PTPRD: variants seen among roughly 807,000 people sequenced by gnomAD.
PTPRD encodes protein tyrosine phosphatase receptor type D, also known as receptor-type tyrosine-protein phosphatase delta.
A neutral mutation model predicts 214.5 loss-of-function variants in PTPRD; 34 were observed. The observed-to-expected ratio is 0.16, with a 90% CI of 0.12 to 0.21. The LOEUF (loss-of-function observed/expected upper bound fraction) is 0.21. PTPRD is among the 10% of genes least tolerant of loss of function. PTPRD has a pLI of 1.00. For synonymous variants in PTPRD, 1,128 were observed against 845.7 expected, an observed-to-expected ratio of 1.33 and a Z score of -5.79; for missense variants, 2,545 against 2,398.7, an observed-to-expected ratio of 1.06 and a Z score of -1.27.
chr9:8,672,168 G>C (rs1221959874), intron 12 of PTPRD, among the ~76,000 whole-genome samples: 1 of 152,088 alleles, frequency 6.6e-6, no homozygotes, highest in Non-Finnish European at 1.5e-5. Flanking sequence ...TAAAACCTTT[G>C]ATGTAACCTT....
At chr9:9,902,553 T>A (rs541746772) in intron 5 of PTPRD, among the ~76,000 whole-genome samples, 130 of 152,278 alleles carry the variant, frequency 8.5e-4, no homozygotes, top group African/African-American at 3.0e-3. Flanking sequence ...ACCTCAATTT[T>A]ATATTTAAAT....
intron 7 of PTPRD, among the ~76,000 whole-genome samples, chr9:9,732,261 C>T (rs2098210372): frequency 2.0e-5 from 3 of 151,952 alleles, no homozygotes; most frequent in African/African-American, 7.3e-5. Flanking sequence ...TTTTGGATAA[C>T]TGTGGCAATA....
chr9:8,641,945 C>T (rs1276255013), intron 12 of PTPRD, among the ~76,000 whole-genome samples: 1 of 152,144 alleles, frequency 6.6e-6, no homozygotes, highest in African/African-American at 2.4e-5. Flanking sequence ...GTGAGAGAAC[C>T]AACCAAGACC....
At chr9:9,852,007 A>T (rs1039539697) in intron 5 of PTPRD, among the ~76,000 whole-genome samples, 1 of 152,180 alleles carries the variant, frequency 6.6e-6, no homozygotes, top group African/African-American at 2.4e-5. Context: ...TTAACATGGA[A>T]ATTTCTCTTC....
At chr9:8,516,322 G>C (rs2097780222) in intron 21 of PTPRD, among the ~76,000 whole-genome samples, 1 of 152,118 alleles carries the variant, frequency 6.6e-6, no homozygotes, top group Admixed American at 6.6e-5. Context: ...TATATGGATA[G>C]TTTTTAATAC....
At chr9:9,428,169 T>G (rs1040255096) in intron 8 of PTPRD, among the ~76,000 whole-genome samples, 1 of 152,124 alleles carries the variant, frequency 6.6e-6, no homozygotes, top group South Asian at 2.1e-4. Flanking sequence ...AGGAGATCCA[T>G]CTCACGTGCA....
chr9:9,202,797 T>G (rs1006847547), intron 9 of PTPRD, among the ~76,000 whole-genome samples: 1 of 152,226 alleles, frequency 6.6e-6, no homozygotes, highest in Non-Finnish European at 1.5e-5. Context: ...TATAGCCACT[T>G]TGCTCTTGAT....
At chr9:9,716,725 A>T (rs984619867) in intron 7 of PTPRD, among the ~76,000 whole-genome samples, 3 of 151,794 alleles carry the variant, frequency 2.0e-5, no homozygotes, top group African/African-American at 7.3e-5. Flanking sequence ...AATTTGTTTG[A>T]GTTCCTTGTA....
At chr9:8,589,020 T>C (rs1280142915) in intron 14 of PTPRD, among the ~76,000 whole-genome samples, 1 of 152,172 alleles carries the variant, frequency 6.6e-6, no homozygotes, top group Non-Finnish European at 1.5e-5. Context: ...CCCTATAGAT[T>C]CTTACTGGGT....
At chr9:10,057,978 T>G (rs150804092) in intron 3 of PTPRD, among the ~76,000 whole-genome samples, 84 of 152,174 alleles carry the variant, frequency 5.5e-4, no homozygotes, top group Middle Eastern at 3.4e-3. Context: ...AAGGGAGAGT[T>G]TATTTTGGGT....
intron 5 of PTPRD, among the ~76,000 whole-genome samples, chr9:9,873,496 A>C (rs2153720077): frequency 6.6e-6 from 1 of 152,218 alleles, no homozygotes; most frequent in East Asian, 1.9e-4. Flanking sequence ...GCAGTTAATA[A>C]GAGGTAAAGT....
chr9:9,593,247 T>C (rs2092942622), intron 7 of PTPRD, among the ~76,000 whole-genome samples: 1 of 151,806 alleles, frequency 6.6e-6, no homozygotes, highest in African/African-American at 2.4e-5. Context: ...GGGGGATTTC[T>C]TGTACTGTGG....
In PTPRD at chr9:9,086,254, T is replaced by C. The variant is rs112099975; in HGVS notation, c.-142-67519A>G. Among the ~76,000 whole-genome samples, 542 of 152,318 alleles carry C rather than the reference T, an allele frequency of 3.6e-3. 2 individuals carry two copies. Among genetic ancestry groups the C allele is most frequent in the African/African-American group, 0.012 (506 of 41,572 alleles). On this transcript the variant is annotated intron_variant, in intron 10 of 45. Transcript: ENST00000381196. ...ACCTCCTTCTGACTGGTACTATTCA[T>C]TGAGACTAATTCACTGAGAGTGAGA...
chr9:8,849,264 C>T (rs1187477197), intron 11 of PTPRD, among the ~76,000 whole-genome samples: 1 of 151,532 alleles, frequency 6.6e-6, no homozygotes, highest in East Asian at 1.9e-4. Flanking sequence ...CAAGCTCCGC[C>T]TCTCGGGTTC....
chr9:8,408,074 T>A (rs1411774420), intron 35 of PTPRD, among the ~76,000 whole-genome samples: 2 of 152,174 alleles, frequency 1.3e-5, no homozygotes, highest in African/African-American at 2.4e-5. Context: ...CACAGTTGCT[T>A]TGCCTCTCTG....
intron 4 of PTPRD, among the ~76,000 whole-genome samples, chr9:9,954,314 AAAAAAAAAAAG>A (rs2093718572): frequency 6.7e-6 from 1 of 149,776 alleles, no homozygotes; most frequent in African/African-American, 2.4e-5. Context: ...AAAAAAAAAA[AAAAAAAAAAAG>A]ATCATTGTCC....
intron 2 of PTPRD, among the ~76,000 whole-genome samples, chr9:10,478,789 A>G (rs2099079015): frequency 2.0e-5 from 3 of 151,796 alleles, no homozygotes; most frequent in Admixed American, 6.6e-5. Flanking sequence ...TTTCAGAAAC[A>G]AATTCTATTG....
chr9:10,043,936 A>G (rs1434119159), intron 3 of PTPRD, among the ~76,000 whole-genome samples: 1 of 151,864 alleles, frequency 6.6e-6, no homozygotes, highest in African/African-American at 2.4e-5. Context: ...TAACTCTTCT[A>G]TTCTGATTAC....
chr9:9,305,949 C>G (rs1023069602), intron 9 of PTPRD, among the ~76,000 whole-genome samples: 2 of 151,976 alleles, frequency 1.3e-5, no homozygotes, highest in Admixed American at 6.6e-5. Context: ...GATCTTTTAG[C>G]CTTCAGAATG....
Sources: gnomAD v4.1 joint callset for allele counts (sites outside exome capture counted in the v4.1 genomes callset) on GRCh38, gnomAD v4.1.1 for gene constraint, MANE v1.5 for transcripts, NCBI Gene and HGNC (gene_info 2026-07-23, HGNC 2026-07-21) for gene names.